The following NCOR2 variants were observed in gnomAD, a reference collection of about 807,000 sequenced individuals.
NCOR2 encodes the protein nuclear receptor corepressor 2.
A neutral mutation model predicts 262.9 loss-of-function variants in NCOR2; 81 were observed. That is an observed-to-expected ratio of 0.31 (90% confidence interval 0.26 to 0.37). The LOEUF (loss-of-function observed/expected upper bound fraction) is 0.37. NCOR2 is among the 10% of genes least tolerant of loss of function. NCOR2 has a pLI of 1.00. For missense variants in NCOR2, 3,385 were observed against 3,621.4 expected, an observed-to-expected ratio of 0.93 and a Z score of 1.68; for synonymous variants, 1,659 against 1,559.3, an observed-to-expected ratio of 1.06 and a Z score of -1.51.
At position 124,485,562 on chromosome 12, in the gene NCOR2, C is replaced by T. The variant is rs1009490395; in HGVS notation, c.233+879G>A. 1.4e-4 allele frequency among the ~76,000 whole-genome samples: 22 copies of T among 152,214 alleles called. 1 individual carries two copies. Among genetic ancestry groups the T allele is most frequent in the Admixed American group, 1.4e-3 (21 of 15,286 alleles). ...GCTTGAAGCCGCCCAGTTTGTGGCA[C>T]GTTGCGACGGCAGGCCCAGGAAACC... On this transcript the variant is annotated intron_variant, in intron 2 of 46. Coordinates refer to ENST00000405201, the Ensembl canonical transcript of NCOR2.
intron 1 of NCOR2, among the ~76,000 whole-genome samples, chr12:124,509,235 T>TGGGGGGGGGGGGGGGGGG: frequency 1.8e-5 from 1 of 55,088 alleles, no homozygotes; most frequent in African/African-American, 7.5e-5. Flanking sequence ...CTGGCTTTGG[T>TGGGGGGGGGGGGGGGGGG]GGGGGGGGGG....
chr12:124,501,748 G>A (rs962921488), intron 1 of NCOR2, among the ~76,000 whole-genome samples: 3 of 152,154 alleles, frequency 2.0e-5, no homozygotes, highest in South Asian at 4.1e-4. Flanking sequence ...AAACAAGGCC[G>A]CACTCCCAGG....
Position 124,466,008 on chromosome 12 carries a change from G to A in NCOR2, c.705+165C>T, listed in dbSNP as rs144484097. On this transcript the variant is annotated intron_variant, in intron 5 of 46. Transcript: ENST00000405201. The stretch of plus-strand genomic sequence containing the variant: ...GGCCACACCAGGATGGCTTTCCACC[G>A]GTCACCTTCCCCCACCCACTCATAA... Among the ~76,000 whole-genome samples, 17 of 152,254 alleles carry A rather than the reference G, an allele frequency of 1.1e-4. No individual in the cohort carries two copies. The East Asian group carries it at 2.7e-3, about 24-fold the overall frequency.
At chr12:124,337,854 T>C (rs1205228312) in intron 37 of NCOR2, among the ~76,000 whole-genome samples, 1 of 152,228 alleles carries the variant, frequency 6.6e-6, no homozygotes, top group Admixed American at 6.5e-5. Context: ...CCCGGAGCCC[T>C]GCGTTTCCAT....
chr12:124,475,930 G>A (rs1312200048), intron 3 of NCOR2, among the ~76,000 whole-genome samples: 2 of 152,236 alleles, frequency 1.3e-5, no homozygotes, highest in Non-Finnish European at 2.9e-5. Flanking sequence ...GAACCATAGG[G>A]CTGAGCATAA....
intron 13 of NCOR2, among the ~76,000 whole-genome samples, chr12:124,415,644 G>A (rs1321179185): frequency 6.6e-6 from 1 of 152,248 alleles, no homozygotes; most frequent in Non-Finnish European, 1.5e-5. Context: ...GAGAGACGCA[G>A]AGCAGACAAG....
chr12:124,431,340 C>T (rs1565937549), intron 8 of NCOR2, among the ~76,000 whole-genome samples: 1 of 151,172 alleles, frequency 6.6e-6, no homozygotes, highest in African/African-American at 2.4e-5. Flanking sequence ...GTCACCCACA[C>T]GGTACACACA....
chr12:124,374,514 G>A (rs941914577), intron 18 of NCOR2, 51 bp from the exon 21 acceptor site: 1 of 1,574,304 alleles, frequency 6.4e-7, no homozygotes, highest in Non-Finnish European at 8.7e-7. Context: ...CAAGTAGTGG[G>A]AGGGGAGGGA....
intron 1 of NCOR2, among the ~76,000 whole-genome samples, chr12:124,532,344 TC>T (rs143397649): frequency 0.037 from 5,654 of 152,196 alleles, 330 homozygotes; most frequent in African/African-American, 0.13. Context: ...GGGCAGGGCA[TC>T]CGGGCAGCGT....
At chr12:124,516,348 G>A (rs2049779657) in intron 1 of NCOR2, among the ~76,000 whole-genome samples, 1 of 152,174 alleles carries the variant, frequency 6.6e-6, no homozygotes, top group Admixed American at 6.5e-5. Context: ...GAGGGGCTCA[G>A]GCTGAGTGGG....
rs149366660 is a variant in NCOR2, at chr12:124,483,754, G to A, written c.253C>T (p.Arg85Trp). 30 of 1,605,420 alleles carry A rather than the reference G, an allele frequency of 1.9e-5. No homozygotes were observed. The East Asian group carries it at 3.8e-4, about 20-fold the overall frequency. ...GGCAGGTATGAGTGGGACTCTGGCC[G>A]CAGGTGGAGCTCCTGGGACCTGCAG... Residue 85 changes from arginine to tryptophan, a missense_variant, in exon 3 of 47, where the codon CGG becomes TGG. By Grantham distance (101) the Arg-to-Trp change is moderately radical (BLOSUM62 -3). Around this residue, in one of 5 missense-constraint regions of NCOR2, gnomAD observed 237 missense variants for 229.4 expected, o/e 1.03. Coordinates refer to ENST00000405201, the Ensembl canonical transcript of NCOR2. This position sits in a 1 kb window ranked among gnomAD's most constrained non-coding sequence, Gnocchi z 6.3.
chr12:124,349,318 G>A (rs987829737), intron 28 of NCOR2, among the ~76,000 whole-genome samples: 3 of 152,138 alleles, frequency 2.0e-5, no homozygotes, highest in East Asian at 3.9e-4. Context: ...GGGAGCCCCC[G>A]CCCCACCCCT....
At chr12:124,502,748 G>C (rs923624378) in intron 1 of NCOR2, among the ~76,000 whole-genome samples, 1 of 152,178 alleles carries the variant, frequency 6.6e-6, no homozygotes, top group Non-Finnish European at 1.5e-5. Context: ...GTCTCCTGTG[G>C]CAAGTCTGCC....
At chr12:124,519,736 C>A (rs11057651) in intron 1 of NCOR2, among the ~76,000 whole-genome samples, 12,013 of 152,192 alleles carry the variant, frequency 0.079, 1,256 homozygotes, top group African/African-American at 0.23. Flanking sequence ...CCACACACAC[C>A]GAGCCCAGCA....
chr12:124,557,973 G>A (rs1381363685), intron 1 of NCOR2, among the ~76,000 whole-genome samples: 2 of 152,016 alleles, frequency 1.3e-5, no homozygotes, highest in Admixed American at 1.3e-4. Flanking sequence ...CTAGGGAAAA[G>A]CCCAGGCCAG....
At chr12:124,501,248 A>G (rs898576904) in intron 1 of NCOR2, among the ~76,000 whole-genome samples, 16 of 151,974 alleles carry the variant, frequency 1.1e-4, no homozygotes, top group African/African-American at 3.9e-4. Context: ...GGAGCCCTGC[A>G]GCTCAGCCAC....
intron 16 of NCOR2, among the ~76,000 whole-genome samples, chr12:124,395,062 C>T (rs1446468351): frequency 6.6e-6 from 1 of 152,202 alleles, no homozygotes; most frequent in East Asian, 1.9e-4. Flanking sequence ...CTGGGGAAAC[C>T]TGGCTGCTTA....
At chr12:124,391,111 T>C (rs1532944) in intron 16 of NCOR2, among the ~76,000 whole-genome samples, 84,928 of 152,146 alleles carry the variant, frequency 0.56, 24,423 homozygotes, top group African/African-American at 0.69. Flanking sequence ...GGGAGGCCTG[T>C]GCTGCCGCTC....
At chr12:124,356,953 T>C (rs1396245131) in intron 22 of NCOR2, 171 bp from the exon 25 acceptor site, 6 of 747,268 alleles carry the variant, frequency 8.0e-6, no homozygotes, top group Non-Finnish European at 1.2e-5. Flanking sequence ...GGCGCTGCTC[T>C]GTAACCCCAT....
Sources: allele counts gnomAD v4.1 joint callset (sites outside exome capture counted in the v4.1 genomes callset), GRCh38; gene constraint gnomAD v4.1.1; regional missense constraint gnomAD v4.1.1; non-coding constraint Gnocchi (gnomAD v3.1); transcripts MANE v1.5; gene names NCBI Gene and HGNC (gene_info 2026-07-23, HGNC 2026-07-21).